PLPPR1: variants seen among roughly 807,000 people sequenced by gnomAD.
PLPPR1 encodes phospholipid phosphatase related 1.
Under a neutral mutation model 33.1 loss-of-function variants are expected in PLPPR1, and 10 were observed. The ratio of observed to expected loss-of-function variants is 0.30; its 90% CI spans 0.19 to 0.51. The LOEUF (loss-of-function observed/expected upper bound fraction) is 0.51. Among genes scored for constraint, PLPPR1 ranks in the 20% least tolerant of loss-of-function variants. The probability of loss-of-function intolerance (pLI) is 0.97; values close to 1 mark genes in which losing one functional copy is unlikely to be tolerated. For synonymous variants in PLPPR1, 151 were observed against 151.0 expected (o/e 1.00, Z 0.00); for missense variants, 304 against 408.1 (o/e 0.74, Z 2.20).
chr9:101,145,869 A>G (rs1831515512), intron 1 of PLPPR1, among the ~76,000 whole-genome samples: 1 of 143,652 alleles, frequency 7.0e-6, no homozygotes, highest in Non-Finnish European at 1.5e-5. Flanking sequence ...AAATGAAAAT[A>G]GCCAAATATG....
At chr9:101,274,064 C>A (rs1394761423) in intron 3 of PLPPR1, among the ~76,000 whole-genome samples, 1 of 152,142 alleles carries the variant, frequency 6.6e-6, no homozygotes, top group East Asian at 1.9e-4. Context: ...AAATGTAGTA[C>A]AACTGCTCCC....
intron 3 of PLPPR1, among the ~76,000 whole-genome samples, chr9:101,282,197 G>C (rs951317669): frequency 6.6e-6 from 1 of 152,194 alleles, no homozygotes; most frequent in Admixed American, 6.5e-5. Flanking sequence ...TAACAGCACA[G>C]TTTAAAAGAC....
chr9:101,180,783 C>T (rs1477513138), intron 1 of PLPPR1, among the ~76,000 whole-genome samples: 7 of 151,790 alleles, frequency 4.6e-5, no homozygotes, highest in African/African-American at 7.3e-5. Flanking sequence ...AACTGTAAAA[C>T]TACAAGAAGA....
At chr9:101,257,866 CTTAAGTAAG>C (rs1827830447) in intron 2 of PLPPR1, among the ~76,000 whole-genome samples, 1 of 151,696 alleles carries the variant, frequency 6.6e-6, no homozygotes, top group South Asian at 2.1e-4. Flanking sequence ...TTTTTAAATC[CTTAAGTAAG>C]TTATCTTTAT....
intron 1 of PLPPR1, among the ~76,000 whole-genome samples, chr9:101,115,356 TGA>T (rs1831105703): frequency 6.6e-6 from 1 of 152,190 alleles, no homozygotes; most frequent in African/African-American, 2.4e-5. Flanking sequence ...GTGATAGTTG[TGA>T]GAGTGATGAC....
intron 4 of PLPPR1, among the ~76,000 whole-genome samples, chr9:101,298,187 C>G (rs117194365): frequency 0.02 from 3,022 of 152,250 alleles, 42 homozygotes; most frequent in Middle Eastern, 0.068. Flanking sequence ...ACTATTAGCA[C>G]TAAAATAGCT....
intron 1 of PLPPR1, among the ~76,000 whole-genome samples, chr9:101,081,544 T>C (rs1428545396): frequency 6.6e-6 from 1 of 152,142 alleles, no homozygotes; most frequent in Non-Finnish European, 1.5e-5. Context: ...TCCAATCTAT[T>C]TCCTCCCCTC....
At chr9:101,289,160 C>T (rs909655301) in intron 4 of PLPPR1, among the ~76,000 whole-genome samples, 1 of 152,144 alleles carries the variant, frequency 6.6e-6, no homozygotes, top group Non-Finnish European at 1.5e-5. Context: ...GCTCCTTCAG[C>T]CTAGAATATT....
chr9:101,323,655 C>T (rs985236929), intron 7 of PLPPR1, among the ~76,000 whole-genome samples: 2 of 151,890 alleles, frequency 1.3e-5, no homozygotes, highest in Non-Finnish European at 1.5e-5. Flanking sequence ...GCCTGACCAA[C>T]ATGGAGAAAC....
intron 4 of PLPPR1, among the ~76,000 whole-genome samples, chr9:101,300,474 T>C (rs1055910749): frequency 1.1e-4 from 17 of 152,202 alleles, no homozygotes; most frequent in Non-Finnish European, 2.9e-5. Context: ...ATTTAAGTTA[T>C]TACATTAGAA....
chr9:101,285,134 A>G (rs1014949624), intron 3 of PLPPR1, among the ~76,000 whole-genome samples: 1 of 152,184 alleles, frequency 6.6e-6, no homozygotes, highest in Non-Finnish European at 1.5e-5. Context: ...CCAGTATTTA[A>G]TAGATAACGG....
chr9:101,114,445 A>G (rs926895177), intron 1 of PLPPR1, among the ~76,000 whole-genome samples: 1 of 152,204 alleles, frequency 6.6e-6, no homozygotes, highest in Non-Finnish European at 1.5e-5. Context: ...GGCTGTGTGG[A>G]TAGGGTCATC....
At chr9:101,167,045 T>TG (rs1262978310) in intron 1 of PLPPR1, among the ~76,000 whole-genome samples, 1 of 79,430 alleles carries the variant, frequency 1.3e-5, no homozygotes, top group Non-Finnish European at 2.7e-5. Context: ...GAAGATCTAT[T>TG]GAAAAAAAAA....
chr9:101,063,153 T>C (rs1367525324), intron 1 of PLPPR1, among the ~76,000 whole-genome samples: 1 of 152,110 alleles, frequency 6.6e-6, no homozygotes, highest in African/African-American at 2.4e-5. Flanking sequence ...GTGTAAAAGC[T>C]GCTAGGTAAT....
intron 2 of PLPPR1, among the ~76,000 whole-genome samples, chr9:101,204,282 A>T (rs1164110093): frequency 6.6e-6 from 1 of 152,192 alleles, no homozygotes; most frequent in Non-Finnish European, 1.5e-5. Context: ...TTCCTAGAGG[A>T]CTTTATGTCA....
At chr9:101,295,392 A>G (rs1005961005) in intron 4 of PLPPR1, among the ~76,000 whole-genome samples, 4 of 151,834 alleles carry the variant, frequency 2.6e-5, no homozygotes, top group African/African-American at 9.7e-5. Context: ...TAATTTATAG[A>G]TTCAATGCCA....
chr9:101,202,452 G>A (rs1312218173), intron 2 of PLPPR1, among the ~76,000 whole-genome samples: 1 of 152,194 alleles, frequency 6.6e-6, no homozygotes, highest in Non-Finnish European at 1.5e-5. Context: ...AACCTTTTGA[G>A]GGCTGGGGTA....
At position 101,136,181 on chromosome 9, in the gene PLPPR1, A is replaced by G. The variant is rs73656165; in HGVS notation, c.-45-49269A>G. ...GAGGGTAAATAGGAATTAGTGGGGA[A>G]TAATTATCTCATCTTCTCTTTCACC... On this transcript the variant is annotated intron_variant, in intron 1 of 7. Coordinates refer to ENST00000374874, the MANE Select transcript of PLPPR1 (RefSeq NM_207299.2). 8.7e-3 allele frequency among the ~76,000 whole-genome samples: 1,332 copies of G among 152,264 alleles called. 24 individuals are homozygous for G. Among genetic ancestry groups the G allele is most frequent in the African/African-American group, 0.03 (1,231 of 41,546 alleles).
intron 2 of PLPPR1, among the ~76,000 whole-genome samples, chr9:101,246,213 AAG>A (rs1827609808): frequency 6.6e-6 from 1 of 151,178 alleles, no homozygotes; most frequent in South Asian, 2.1e-4. Context: ...GACTCATAGG[AAG>A]AGAGAAGACA....
Sources: allele counts gnomAD v4.1 joint callset (sites outside exome capture counted in the v4.1 genomes callset), GRCh38; gene constraint gnomAD v4.1.1; transcripts MANE v1.5; gene names NCBI Gene and HGNC (gene_info 2026-07-23, HGNC 2026-07-21).